The following HCN1 variants were observed in gnomAD, a reference collection of about 807,000 sequenced individuals.
The protein encoded by HCN1 is potassium/sodium hyperpolarization-activated cyclic nucleotide-gated channel 1.
A neutral mutation model predicts 78.9 loss-of-function variants in HCN1; 13 were observed. The observed-to-expected ratio is 0.16, with a 90% confidence interval of 0.11 to 0.26. The LOEUF (loss-of-function observed/expected upper bound fraction) is 0.26, where lower values mean the gene tolerates loss of function less well. Among genes scored for constraint, HCN1 ranks in the 10% least tolerant of loss-of-function variants. The pLI, the probability that HCN1 is intolerant of heterozygous loss-of-function variation, is 1.00. For synonymous variants in HCN1, 552 were observed against 455.5 expected (o/e 1.21, Z -2.70); for missense variants, 810 against 1,154.3 (o/e 0.70, Z 4.32).
chr5:45,349,018 C>T lies in HCN1; in HGVS notation c.1377+4082G>A, dbSNP rs531547845. Reference sequence around the variant, plus strand: ...GAATTGAACTCAGCTCTGCAGCAAGCGGACCTAATAGACATCTACAGAACT... The same window carrying T: ...GAATTGAACTCAGCTCTGCAGCAAGTGGACCTAATAGACATCTACAGAACT... On this transcript the variant is annotated intron_variant, in intron 5 of 7. Transcript: ENST00000303230. Among the ~76,000 whole-genome samples the T allele has an allele frequency of 3.4e-3, 525 of 152,236 alleles. 2 individuals are homozygous for T. Among genetic ancestry groups the T allele is most frequent in the African/African-American group, 0.012 (488 of 41,532 alleles).
intron 1 of HCN1, among the ~76,000 whole-genome samples, chr5:45,648,342 T>C (rs1387735422): frequency 3.3e-5 from 5 of 152,218 alleles, no homozygotes; most frequent in Non-Finnish European, 7.3e-5. Flanking sequence ...ACAGTAATAA[T>C]GCTTATCACA....
chr5:45,307,447 C>T (rs1412044328), intron 5 of HCN1, among the ~76,000 whole-genome samples: 1 of 152,102 alleles, frequency 6.6e-6, no homozygotes, highest in Non-Finnish European at 1.5e-5. Context: ...CACCTCAAGT[C>T]AGGCAATCAA....
intron 2 of HCN1, among the ~76,000 whole-genome samples, chr5:45,613,980 C>A (rs535430416): frequency 6.6e-6 from 1 of 152,082 alleles, no homozygotes; most frequent in Non-Finnish European, 1.5e-5. Flanking sequence ...GTCCAGTAAT[C>A]ATTTTTAAAA....
intron 1 of HCN1, among the ~76,000 whole-genome samples, chr5:45,658,778 T>C (rs1295310492): frequency 6.6e-6 from 1 of 151,918 alleles, no homozygotes; most frequent in Admixed American, 6.6e-5. Flanking sequence ...CGAGACTATA[T>C]CCCACACTTG....
At chr5:45,446,471 T>C (rs1360530095) in intron 3 of HCN1, among the ~76,000 whole-genome samples, 2 of 152,076 alleles carry the variant, frequency 1.3e-5, no homozygotes, top group Non-Finnish European at 2.9e-5. Context: ...CTGCAGGATA[T>C]TATCCAGGAG....
intron 2 of HCN1, among the ~76,000 whole-genome samples, chr5:45,581,292 T>G (rs1744066487): frequency 1.3e-5 from 2 of 152,248 alleles, no homozygotes; most frequent in Admixed American, 6.5e-5. Context: ...TGACCAGTGA[T>G]GATGAGCATT....
At chr5:45,453,679 T>C (rs1740968384) in intron 3 of HCN1, among the ~76,000 whole-genome samples, 1 of 152,134 alleles carries the variant, frequency 6.6e-6, no homozygotes, top group South Asian at 2.1e-4. Flanking sequence ...ATACTGTCTC[T>C]GGCTTTATGC....
chr5:45,537,631 G>A (rs1160386124), intron 2 of HCN1, among the ~76,000 whole-genome samples: 3 of 131,640 alleles, frequency 2.3e-5, no homozygotes, highest in Non-Finnish European at 4.7e-5. Context: ...CTCTGCCCCC[G>A]GGTTCAAGCA....
rs142650839 is a variant in HCN1 at position 45,608,686 on chromosome 5, A to T, written c.849+36499T>A. Among the ~76,000 whole-genome samples the T allele has an allele frequency of 6.4e-3, 976 of 152,144 alleles. 7 individuals carry two copies. The highest frequency in any genetic ancestry group is 0.023 in the African/African-American group (938 of 41,554). ...AACCCATCATGAAAGGTATATTTTAAATTAAAAATTCTTCAAAATCTTTAT... is the reference window on the plus strand; with the variant it reads ...AACCCATCATGAAAGGTATATTTTATATTAAAAATTCTTCAAAATCTTTAT... On this transcript the variant is annotated intron_variant, in intron 2 of 7. Transcript: ENST00000303230.
intron 2 of HCN1, among the ~76,000 whole-genome samples, chr5:45,602,839 C>A (rs1015824433): frequency 6.6e-6 from 1 of 152,036 alleles, no homozygotes; most frequent in Admixed American, 6.6e-5. Context: ...CTTTTGTGAT[C>A]AGATTTCACT....
chr5:45,545,207 G>A (rs1315296767), intron 2 of HCN1, among the ~76,000 whole-genome samples: 7 of 152,172 alleles, frequency 4.6e-5, no homozygotes, highest in African/African-American at 7.2e-5. Context: ...CAGTGATGAT[G>A]AGCATTTTTT....
chr5:45,512,717 C>T (rs1742439521), intron 2 of HCN1, among the ~76,000 whole-genome samples: 1 of 151,964 alleles, frequency 6.6e-6, no homozygotes, highest in Non-Finnish European at 1.5e-5. Context: ...TGAAAAGATT[C>T]TACATGAGCA....
chr5:45,645,044 T>C (rs903215396), intron 2 of HCN1, 141 bp downstream of exon 2: 29 of 632,340 alleles, frequency 4.6e-5, no homozygotes, highest in Middle Eastern at 4.3e-4. Flanking sequence ...ATATCACTTA[T>C]GCATGGAAAA....
intron 2 of HCN1, among the ~76,000 whole-genome samples, chr5:45,504,187 G>C (rs933635349): frequency 6.6e-6 from 1 of 152,020 alleles, no homozygotes; most frequent in South Asian, 2.1e-4. Context: ...TGCCATGTTG[G>C]TGTGCTGCAT....
At position 45,361,671 on chromosome 5, in the gene HCN1, C is replaced by A. The variant is rs111577727; in HGVS notation, c.1231-8425G>T. ...TTGCTTTCTTGCTTATGGAACTTAG[C>A]TATCCATTCAGATATTTCACAAGAA... On this transcript the variant is annotated intron_variant, in intron 4 of 7. Transcript: ENST00000303230. 1.3e-3 allele frequency among the ~76,000 whole-genome samples: 202 copies of A among 152,294 alleles called. 2 individuals are homozygous for A. Among genetic ancestry groups the A allele is most frequent in the African/African-American group, 4.7e-3 (196 of 41,572 alleles).
At chr5:45,619,333 G>T (rs1470928478) in intron 2 of HCN1, among the ~76,000 whole-genome samples, 2 of 151,940 alleles carry the variant, frequency 1.3e-5, no homozygotes, top group African/African-American at 4.8e-5. Flanking sequence ...AAATAACTAT[G>T]GATCCCTAGA....
chr5:45,461,747 C>G (rs1561164006), intron 3 of HCN1, 99 bp downstream of exon 3: 1 of 1,117,702 alleles, frequency 8.9e-7, no homozygotes, highest in Non-Finnish European at 1.3e-6. Flanking sequence ...TGTCTGTAAA[C>G]ATTTATAGAG....
intron 4 of HCN1, among the ~76,000 whole-genome samples, chr5:45,365,689 T>C (rs983683513): frequency 1.3e-5 from 2 of 151,890 alleles, no homozygotes; most frequent in African/African-American, 4.8e-5. Flanking sequence ...TATTTATTTC[T>C]TTTTGGGTCA....
chr5:45,515,062 T>G (rs1157108565), intron 2 of HCN1, among the ~76,000 whole-genome samples: 1 of 151,966 alleles, frequency 6.6e-6, no homozygotes, highest in Admixed American at 6.6e-5. Flanking sequence ...TACAACTAGA[T>G]GTATGCCTAC....
Sources: allele counts gnomAD v4.1 joint callset (sites outside exome capture counted in the v4.1 genomes callset), GRCh38; gene constraint gnomAD v4.1.1; transcripts MANE v1.5; gene names NCBI Gene and HGNC (gene_info 2026-07-23, HGNC 2026-07-21).